The following TMEFF2 variants were observed in gnomAD, a reference collection of about 807,000 sequenced individuals.
TMEFF2 encodes the protein tomoregulin-2.
In TMEFF2, 28 loss-of-function variants were observed where a neutral mutation model predicts 53.8. The ratio of observed to expected loss-of-function variants is 0.52; its 90% CI spans 0.39 to 0.71. The LOEUF (loss-of-function observed/expected upper bound fraction) is 0.71. TMEFF2 is among the 30% of genes least tolerant of loss of function. The pLI, the probability that TMEFF2 is intolerant of heterozygous loss-of-function variation, is 0.00. For missense variants in TMEFF2, 353 were observed against 455.2 expected, an observed-to-expected ratio of 0.78 and a Z score of 2.04; for synonymous variants, 162 against 166.3, an observed-to-expected ratio of 0.97 and a Z score of 0.20.
At chr2:192,111,132 G>A (rs1689266247) in intron 4 of TMEFF2, among the ~76,000 whole-genome samples, 1 of 152,036 alleles carries the variant, frequency 6.6e-6, no homozygotes. Flanking sequence ...TGGGAGAGTA[G>A]GGTGCTGCTG....
intron 4 of TMEFF2, among the ~76,000 whole-genome samples, chr2:192,058,822 A>G (rs1687976275): frequency 6.6e-6 from 1 of 152,196 alleles, no homozygotes; most frequent in East Asian, 1.9e-4. Context: ...AACATTTTCA[A>G]CAGAAAAAGA....
At position 192,025,263 on chromosome 2, in the gene TMEFF2, T is replaced by C. The variant is rs570107173; in HGVS notation, c.537-26055A>G. Among the ~76,000 whole-genome samples, 6 of 152,296 alleles carry C rather than the reference T, an allele frequency of 3.9e-5. No homozygotes were observed. The East Asian group carries it at 9.7e-4, about 25-fold the overall frequency. ...ATTTAAAGCATTTCTATTGAGCTTT[T>C]GAATTATTGATCGGGGATGATGAAG... is the stretch of plus-strand genomic sequence containing the variant. On this transcript the variant is annotated intron_variant, in intron 5 of 9. Coordinates refer to ENST00000272771, the MANE Select transcript of TMEFF2 (RefSeq NM_016192.4).
At chr2:192,081,172 T>C (rs1292038930) in intron 4 of TMEFF2, among the ~76,000 whole-genome samples, 1 of 152,216 alleles carries the variant, frequency 6.6e-6, no homozygotes, top group Non-Finnish European at 1.5e-5. Context: ...TTTGTTTTTC[T>C]AGTAGCAGCT....
chr2:192,032,359 C>T (rs1687160950), intron 5 of TMEFF2: 1 of 152,148 alleles, frequency 6.6e-6, no homozygotes, highest in African/African-American at 2.4e-5. Context: ...GGCTTTGCAA[C>T]ACGTTTTCAA....
chr2:192,084,630 A>C (rs751593369), intron 4 of TMEFF2, among the ~76,000 whole-genome samples: 1 of 152,130 alleles, frequency 6.6e-6, no homozygotes, highest in Admixed American at 6.6e-5. Flanking sequence ...GTTGAGTTTT[A>C]TTTCTTTTTA....
At chr2:191,975,458 T>G (rs1438631648) in intron 7 of TMEFF2, among the ~76,000 whole-genome samples, 1 of 151,550 alleles carries the variant, frequency 6.6e-6, no homozygotes, top group Non-Finnish European at 1.5e-5. Context: ...CCTTCATGTC[T>G]TCATACTATT....
intron 5 of TMEFF2, among the ~76,000 whole-genome samples, chr2:192,039,172 C>A (rs1687411796): frequency 6.6e-6 from 1 of 151,966 alleles, no homozygotes; most frequent in East Asian, 1.9e-4. Flanking sequence ...TTTTCAGCAG[C>A]CTGATTATAC....
At chr2:192,016,712 C>T (rs1388522598) in intron 5 of TMEFF2, among the ~76,000 whole-genome samples, 1 of 152,156 alleles carries the variant, frequency 6.6e-6, no homozygotes, top group Non-Finnish European at 1.5e-5. Context: ...GAAAAAGAAG[C>T]TAAGTTGTGT....
At position 191,953,714 on chromosome 2, in the gene TMEFF2, A is replaced by C. The variant is rs779619059; in HGVS notation, c.993T>G (p.Ile331Met). 1 of 1,614,134 alleles carries C rather than the reference A, an allele frequency of 6.2e-7. No individual in the cohort carries two copies. The highest frequency in any genetic ancestry group is 8.5e-7 in the Non-Finnish European group (1 of 1,179,992). ...LIAAVIGTIQ[I>M]AVICVVVLCI... ...AGAGGACCACCACACAGATGACAGC[A>C]ATCTGAATTGTTCCAATCACAGCTG... The change falls in exon 9 of 10, where the codon ATT becomes ATG. Residue 331 changes from isoleucine (I) to methionine (M), a missense_variant. Around this residue, in one of 3 missense-constraint regions of TMEFF2, gnomAD observed 294 missense variants for 397.3 expected, o/e 0.74. Transcript: ENST00000272771.
intron 7 of TMEFF2, among the ~76,000 whole-genome samples, chr2:191,961,982 G>A (rs1378112558): frequency 6.6e-6 from 1 of 152,120 alleles, no homozygotes; most frequent in Non-Finnish European, 1.5e-5. Context: ...AGTTAAAAGT[G>A]ACAGCCTAGC....
intron 7 of TMEFF2, among the ~76,000 whole-genome samples, chr2:191,964,316 C>T (rs1464538488): frequency 2.4e-4 from 30 of 125,980 alleles, no homozygotes; most frequent in African/African-American, 8.6e-4. Context: ...TCTTTCTTTC[C>T]TTCCTTCCTT....
chr2:192,001,028 T>C (rs1362647212), intron 5 of TMEFF2, among the ~76,000 whole-genome samples: 1 of 152,188 alleles, frequency 6.6e-6, no homozygotes, highest in Admixed American at 6.5e-5. Flanking sequence ...CTGGTTCTTA[T>C]AGAGCGGATG....
intron 4 of TMEFF2, among the ~76,000 whole-genome samples, chr2:192,154,592 G>C (rs531504908): frequency 2.6e-5 from 4 of 151,808 alleles, no homozygotes; most frequent in Non-Finnish European, 5.9e-5. Context: ...CATTTATTTT[G>C]GGATAACACA....
In TMEFF2 at chr2:192,176,823, C is replaced by T. The variant is rs374786275; in HGVS notation, c.439+2845G>A. On this transcript the variant is annotated intron_variant, in intron 4 of 9. Coordinates refer to ENST00000272771, the MANE Select transcript of TMEFF2 (RefSeq NM_016192.4). ...TCATTACTAATGTAATATTCATTCA[C>T]GCTAAAATATAGGAAAATTTTTAAA... 55 of 150,926 alleles carry T rather than the reference C, an allele frequency of 3.6e-4. No individual in the cohort carries two copies. In the South Asian group the frequency reaches 7.1e-3, roughly 19 times the overall value. The allele number at this position is 150,926 out of a possible 1,614,324, so 9.3% of individuals were successfully genotyped here.
chr2:192,184,239 C>T, intron 3 of TMEFF2, 115 bp downstream of exon 3: 2 of 1,294,680 alleles, frequency 1.5e-6, no homozygotes, highest in South Asian at 1.4e-5. Flanking sequence ...AACAATACGG[C>T]TTGTCTAGTC....
intron 4 of TMEFF2, among the ~76,000 whole-genome samples, chr2:192,165,460 G>GTATAAAAAACTCATTATAAGTAT (rs1690740817): frequency 6.6e-6 from 1 of 152,102 alleles, no homozygotes; most frequent in Non-Finnish European, 1.5e-5. Context: ...ATTAAAACAA[G>GTATAAAAAACTCATTATAAGTAT]ATAGTTTAGT....
chr2:191,956,365 T>A lies in TMEFF2; in HGVS notation c.759A>T (p.Lys253Asn). ...ARTDYAENAN[K>N]LEESAREHHI... is the part of the protein sequence containing the mutation. ...GGTGTTCTCTGGCACTTTCTTCTAA[T>A]TTGTTAGCATTCTCTGTGAATACAG... The change falls in exon 8 of 10, where the codon AAA becomes AAT. Residue 253 changes from lysine to asparagine, a missense_variant. Physicochemically the swap from Lys to Asn is moderately conservative, Grantham distance 94. Around this residue, in one of 3 missense-constraint regions of TMEFF2, gnomAD observed 294 missense variants for 397.3 expected, o/e 0.74. Transcript: ENST00000272771. 10 of 1,613,620 alleles carry A rather than the reference T, an allele frequency of 6.2e-6. No individual in the cohort carries two copies. Among genetic ancestry groups the A allele is most frequent in the Non-Finnish European group, 7.6e-6 (9 of 1,179,834 alleles).
intron 4 of TMEFF2, among the ~76,000 whole-genome samples, chr2:192,112,112 C>A (rs1419993403): frequency 6.6e-6 from 1 of 152,198 alleles, no homozygotes; most frequent in Non-Finnish European, 1.5e-5. Flanking sequence ...CTCACTGGGG[C>A]ACTGCCTAGT....
intron 4 of TMEFF2, among the ~76,000 whole-genome samples, chr2:192,131,556 AC>A (rs1689829659): frequency 6.6e-6 from 1 of 150,584 alleles, no homozygotes; most frequent in Non-Finnish European, 1.5e-5. Context: ...TTATTTCCAC[AC>A]CCCAACCTCT....
Sources: allele counts gnomAD v4.1 joint callset (sites outside exome capture counted in the v4.1 genomes callset), GRCh38; gene constraint gnomAD v4.1.1; regional missense constraint gnomAD v4.1.1; transcripts MANE v1.5; gene names NCBI Gene and HGNC (gene_info 2026-07-23, HGNC 2026-07-21).